CELF2: variants seen among roughly 807,000 people sequenced by gnomAD.
CELF2 encodes CUG triplet repeat RNA-binding protein 2.
In CELF2, 8 loss-of-function variants were observed where a neutral mutation model predicts 62.6. That is an observed-to-expected ratio of 0.13 (90% CI 0.07 to 0.23). The LOEUF (loss-of-function observed/expected upper bound fraction) is 0.23. CELF2 is among the 10% of genes least tolerant of loss of function. The pLI is 1.00. For missense variants in CELF2, 333 were observed against 671.0 expected (o/e 0.50, Z 5.56); for synonymous variants, 258 against 250.0 (o/e 1.03, Z -0.30).
At chr10:10,691,214 A>T in the CELF2 span, among the ~76,000 whole-genome samples, 12 of 147,532 alleles carry the variant, frequency 8.1e-5, no homozygotes, top group African/African-American at 2.8e-4. Flanking sequence ...TGTCCATGTG[A>T]TCTCATTGTT....
intron 1 of CELF2, among the ~76,000 whole-genome samples, chr10:10,884,948 T>C (rs556369654): frequency 2.0e-5 from 3 of 152,166 alleles, no homozygotes; most frequent in Non-Finnish European, 4.4e-5. Flanking sequence ...ATTTTTAAGA[T>C]TAAATGATAG....
intron 1 of CELF2, among the ~76,000 whole-genome samples, chr10:11,007,325 CAT>C (rs2055455904): frequency 1.3e-5 from 2 of 152,018 alleles, no homozygotes; most frequent in African/African-American, 2.4e-5. Flanking sequence ...AGTTATGAAA[CAT>C]GAGCTATTTT....
the CELF2 span, among the ~76,000 whole-genome samples, chr10:10,690,634 C>T: frequency 1.3e-5 from 2 of 152,156 alleles, no homozygotes; most frequent in Admixed American, 6.5e-5. Flanking sequence ...AATCTCAGCA[C>T]TTTGGGAGGC....
intron 1 of CELF2, chr10:11,105,324 T>A (rs1804484243): frequency 6.6e-6 from 1 of 152,254 alleles, no homozygotes; most frequent in African/African-American, 2.4e-5. Flanking sequence ...ATTCATCAGT[T>A]TGTTTAGTTT....
the CELF2 span, among the ~76,000 whole-genome samples, chr10:10,733,293 T>A: frequency 3.3e-5 from 5 of 152,286 alleles, no homozygotes; most frequent in African/African-American, 1.2e-4. Flanking sequence ...TAATCACATT[T>A]TATGAAGATG....
At chr10:10,643,693 C>T in the CELF2 span, among the ~76,000 whole-genome samples, 18 of 152,264 alleles carry the variant, frequency 1.2e-4, no homozygotes, top group South Asian at 2.7e-3. Flanking sequence ...ATATTGACCT[C>T]TATAGAGTTC....
intron 1 of CELF2, among the ~76,000 whole-genome samples, chr10:11,036,652 C>G (rs2060996572): frequency 1.3e-5 from 2 of 152,192 alleles, no homozygotes; most frequent in South Asian, 4.1e-4. Context: ...TCCCTTTTAG[C>G]CTCCTCAGAC....
chr10:10,799,870 T>C (rs1329930680), intron 1 of CELF2, among the ~76,000 whole-genome samples: 1 of 152,162 alleles, frequency 6.6e-6, no homozygotes, highest in Non-Finnish European at 1.5e-5. Context: ...AATATGAAAA[T>C]GTTCAATTGA....
In CELF2 at chr10:11,105,780, G is replaced by A. The variant is rs184808502; in HGVS notation, c.75-59706G>A. On this transcript the variant is annotated intron_variant, in intron 1 of 12. Coordinates refer to ENST00000633077, the MANE Select transcript of CELF2 (RefSeq NM_001326342.2). ...GCTCTGGGATCCTGTGCTCTTTCCCGCTGCATGTCCACAGAGCTTGCAGGC... is the reference window on the plus strand; with the variant it reads ...GCTCTGGGATCCTGTGCTCTTTCCCACTGCATGTCCACAGAGCTTGCAGGC... Among the ~76,000 whole-genome samples the A allele has an allele frequency of 9.2e-5, 14 of 152,220 alleles. No homozygotes were observed. The East Asian group carries it at 2.3e-3, about 25-fold the overall frequency.
chr10:10,803,922 C>A (rs971640499), intron 1 of CELF2, among the ~76,000 whole-genome samples: 1 of 152,134 alleles, frequency 6.6e-6, no homozygotes, highest in African/African-American at 2.4e-5. Flanking sequence ...CATTCACATC[C>A]CACCCCTAGT....
upstream of CELF2, among the ~76,000 whole-genome samples, chr10:11,002,026 A>C (rs966880593): frequency 4.6e-5 from 7 of 152,336 alleles, no homozygotes; most frequent in East Asian, 1.3e-3. The surrounding 1 kb of genome is among the most constrained non-coding windows in gnomAD (Gnocchi z 4.4). Flanking sequence ...TATCTGTATT[A>C]GTCCATTTTC....
the CELF2 span, among the ~76,000 whole-genome samples, chr10:10,697,525 C>A: frequency 1.3e-5 from 2 of 152,272 alleles, no homozygotes; most frequent in South Asian, 2.1e-4. Flanking sequence ...GTCTCCTAAG[C>A]AATCAAGAAA....
At chr10:10,523,282 C>A in the CELF2 span, among the ~76,000 whole-genome samples, 1 of 152,184 alleles carries the variant, frequency 6.6e-6, no homozygotes, top group Non-Finnish European at 1.5e-5. Context: ...TAGCAACACT[C>A]TAGGCTTGAC....
Position 10,938,892 on chromosome 10 carries a change from C to G in CELF2, c.89+18893C>G, listed in dbSNP as rs570498290. Among the ~76,000 whole-genome samples, 1 of 152,262 alleles carries G rather than the reference C, an allele frequency of 6.6e-6. No individual in the cohort carries two copies. The highest frequency in any genetic ancestry group is 6.5e-5 in the Admixed American group (1 of 15,298). The stretch of plus-strand genomic sequence containing the variant: ...CTGCCTCTTGCTAGTTGAAGTCACC[C>G]CAGGGGTGTTTGCTCTTGTGTGCAT... On this transcript the variant is annotated intron_variant, in intron 2 of 13. Coordinates refer to the CELF2 transcript ENST00000636488. This position sits in a 1 kb window ranked among gnomAD's most constrained non-coding sequence, Gnocchi z 4.2.
intron 2 of CELF2, among the ~76,000 whole-genome samples, chr10:11,212,339 C>G (rs60478649): frequency 6.6e-6 from 1 of 152,224 alleles, no homozygotes; most frequent in African/African-American, 2.4e-5. Context: ...CTGTGAGGCC[C>G]CCCCGGGCCT....
At chr10:10,811,060 CAT>C (rs1483922294) in intron 1 of CELF2, among the ~76,000 whole-genome samples, 3 of 152,174 alleles carry the variant, frequency 2.0e-5, no homozygotes, top group African/African-American at 7.2e-5. Flanking sequence ...CTCCTACAGA[CAT>C]GTGTTCGGAG....
intron 1 of CELF2, among the ~76,000 whole-genome samples, chr10:10,896,816 T>C (rs1468863317): frequency 6.6e-6 from 1 of 152,202 alleles, no homozygotes. Flanking sequence ...ACCTTGTTTC[T>C]GGTACAGATG....
the CELF2 span, among the ~76,000 whole-genome samples, chr10:10,586,112 C>A: frequency 6.6e-6 from 1 of 152,188 alleles, no homozygotes; most frequent in Non-Finnish European, 1.5e-5. Context: ...TGCACCACTG[C>A]AAATGCTTTT....
intron 2 of CELF2, among the ~76,000 whole-genome samples, chr10:11,188,845 C>G (rs2075640364): frequency 6.6e-6 from 1 of 152,074 alleles, no homozygotes; most frequent in Admixed American, 6.6e-5. Flanking sequence ...GTCTCTGTTT[C>G]TCTATTCCAT....
Sources: gnomAD v4.1 joint callset for allele counts (sites outside exome capture counted in the v4.1 genomes callset) on GRCh38, gnomAD v4.1.1 for gene constraint, Gnocchi (gnomAD v3.1) non-coding constraint, MANE v1.5 for transcripts, NCBI Gene and HGNC (gene_info 2026-07-23, HGNC 2026-07-21) for gene names.